The following KANSL1 variants were observed in gnomAD, a reference collection of about 807,000 sequenced individuals.
KANSL1 encodes the protein KAT8 regulatory NSL complex subunit 1, also known as MLL1/MLL complex subunit KANSL1.
In KANSL1, 22 loss-of-function variants were observed where a neutral mutation model predicts 103.6. The ratio of observed to expected loss-of-function variants is 0.21; its 90% confidence interval spans 0.15 to 0.30. KANSL1 has a LOEUF of 0.30. Ranked by LOEUF, KANSL1 falls within the 10% of genes least tolerant of loss-of-function variation. KANSL1 has a pLI of 1.00. For missense variants in KANSL1, 1,337 were observed against 1,399.8 expected, an observed-to-expected ratio of 0.96 and a Z score of 0.72; for synonymous variants, 600 against 527.6, an observed-to-expected ratio of 1.14 and a Z score of -1.88.
intron 1 of KANSL1, among the ~76,000 whole-genome samples, chr17:46,211,267 T>C (rs1368775847): frequency 7.2e-6 from 1 of 138,016 alleles, no homozygotes; most frequent in African/African-American, 2.7e-5. Context: ...GAGGACCAAA[T>C]CCTATTAGGA....
intron 4 of KANSL1, 134 bp from the exon 5 acceptor site, chr17:46,067,801 G>C (rs1223649821): frequency 8.3e-6 from 5 of 601,330 alleles, no homozygotes; most frequent in African/African-American, 7.5e-5. Context: ...TTGAATGACT[G>C]AAGAAAAAGA....
chr17:46,116,166 T>G (rs1057292921), intron 2 of KANSL1, among the ~76,000 whole-genome samples: 6 of 152,160 alleles, frequency 3.9e-5, no homozygotes, highest in African/African-American at 1.4e-4. Flanking sequence ...AAAATTAAAG[T>G]TAGTTATTTA....
chr17:46,121,712 G>A (rs1242329069), intron 2 of KANSL1, among the ~76,000 whole-genome samples: 1 of 151,500 alleles, frequency 6.6e-6, no homozygotes, highest in African/African-American at 2.4e-5. Flanking sequence ...GAGGTTTCTG[G>A]CCTTAAAAAG....
At chr17:46,214,551 G>C (rs2048280344) in intron 1 of KANSL1, among the ~76,000 whole-genome samples, 1 of 152,228 alleles carries the variant, frequency 6.6e-6, no homozygotes, top group Admixed American at 6.5e-5. Context: ...CTATTTGGGA[G>C]GCTGAGGCAG....
chr17:46,061,087 G>T (rs2078142294), intron 6 of KANSL1, among the ~76,000 whole-genome samples: 1 of 152,028 alleles, frequency 6.6e-6, no homozygotes, highest in South Asian at 2.1e-4. Flanking sequence ...TATTCTACTG[G>T]TTATTAGTAC....
chr17:46,029,955 CTTTT>C lies in KANSL1; in HGVS notation c.*1517_*1520del, dbSNP rs67801660. ...TTTTTATTTTTTTCAATTTTTCCTT[CTTTT>C]TTTTTTTTAAGCACTAGTCTGTGCT... On this transcript the variant is annotated 3_prime_UTR_variant, in exon 15 of 15. Transcript: ENST00000432791. 1 of 145,566 alleles carries C rather than the reference CTTTT, an allele frequency of 6.9e-6. No homozygotes were observed. The highest frequency in any genetic ancestry group is 2.5e-5 in the African/African-American group (1 of 39,572). 9.0% of individuals were successfully genotyped at this position (145,566 alleles called of 1,614,324 possible). A position where few individuals can be genotyped will look rare whatever the true frequency, so the allele number is the denominator to read the frequency against.
intron 2 of KANSL1, among the ~76,000 whole-genome samples, chr17:46,116,437 G>C (rs2043050913): frequency 1.3e-5 from 2 of 152,226 alleles, no homozygotes; most frequent in Non-Finnish European, 2.9e-5. Context: ...TGCTGAGGCA[G>C]GAGAATGGTG....
chr17:46,128,096 G>A (rs947705916), intron 2 of KANSL1, among the ~76,000 whole-genome samples: 11 of 151,958 alleles, frequency 7.2e-5, no homozygotes, highest in Non-Finnish European at 1.2e-4. Flanking sequence ...GGTTACAAGC[G>A]TGAACCACTG....
chr17:46,059,051 A>G (rs2078049302), intron 6 of KANSL1, among the ~76,000 whole-genome samples: 1 of 144,202 alleles, frequency 6.9e-6, no homozygotes, highest in African/African-American at 2.5e-5. Context: ...CATCTCGGAA[A>G]AAAAAAAAAA....
At chr17:46,112,842 C>G (rs1003027324) in intron 2 of KANSL1, among the ~76,000 whole-genome samples, 1 of 151,982 alleles carries the variant, frequency 6.6e-6, no homozygotes, top group East Asian at 2.0e-4. Flanking sequence ...CTGCCTTAGC[C>G]TCTCGAGTAG....
At position 46,031,699 on chromosome 17, in the gene KANSL1, A is replaced by G; in HGVS notation, c.3095T>C (p.Val1032Ala). The G allele has an allele frequency of 6.2e-7, 1 of 1,601,678 alleles. No homozygotes were observed. Among genetic ancestry groups the G allele is most frequent in the Non-Finnish European group, 8.5e-7 (1 of 1,170,576 alleles). ...GAAGGTCCGCCGCTCCCAGGGCTGG[A>G]CAGACTGTAGGCAGACAAGTTGCTC... ...TPELGLDEQS[V>A]QPWERRTFPL... Residue 1032 changes from valine to alanine, a missense_variant, in exon 15 of 15, where the codon GTC (valine) becomes GCC (alanine). Physicochemically the swap from Val to Ala is moderately conservative, Grantham distance 64. Coordinates refer to ENST00000432791, the MANE Select transcript of KANSL1 (RefSeq NM_015443.4).
At chr17:46,053,468 G>A (rs983273582) in intron 6 of KANSL1, among the ~76,000 whole-genome samples, 5 of 15,866 alleles carry the variant, frequency 3.2e-4, no homozygotes, top group Admixed American at 2.5e-3. Flanking sequence ...TTTTTTTTGA[G>A]ACAAGAGTCT....
At chr17:46,091,875 G>A (rs1246867926) in intron 3 of KANSL1, among the ~76,000 whole-genome samples, 1 of 142,940 alleles carries the variant, frequency 7.0e-6, no homozygotes, top group African/African-American at 2.5e-5. Context: ...CTGGAGTGCA[G>A]TGTCGCGATC....
chr17:46,032,132 A>T lies in KANSL1; in HGVS notation c.3005T>A (p.Leu1002His). Residue 1002 changes from leucine (L) to histidine (H), a missense_variant, in exon 14 of 15, where the codon CTC becomes CAC. By Grantham distance (99) the Leu-to-His change is moderately conservative (BLOSUM62 -3). Transcript: ENST00000432791. ...PISPELHSAP[L>H]TPVARDTPRH... Reference sequence around the variant, plus strand: ...CGGAGTGTCCCGAGCCACAGGGGTGAGGGGTGCTGAGTGCAGTTCCGGGCT... The same window carrying T: ...CGGAGTGTCCCGAGCCACAGGGGTGTGGGGTGCTGAGTGCAGTTCCGGGCT... 1 of 1,614,056 alleles carries T rather than the reference A, an allele frequency of 6.2e-7. No individual in the cohort carries two copies. The highest frequency in any genetic ancestry group is 8.5e-7 in the Non-Finnish European group (1 of 1,179,998).
rs1350211833 is a variant in KANSL1, at chr17:46,034,387, G to C, written c.2542-102C>G. On this transcript the variant is annotated intron_variant, in intron 10 of 14. Transcript: ENST00000432791. The stretch of plus-strand genomic sequence containing the variant: ...GGATCACCAATAACCAAGCATCTGG[G>C]TCCTTGGGTTGAAGCTGAGTAATGA... 3 of 1,353,960 alleles carry C rather than the reference G, an allele frequency of 2.2e-6. No individual in the cohort carries two copies. The African/African-American group carries it at 4.4e-5, about 20-fold the overall frequency. 83.9% of individuals were successfully genotyped at this position (1,353,960 alleles called of 1,614,324 possible).
At chr17:46,103,844 G>A (rs2042420193) in intron 2 of KANSL1, among the ~76,000 whole-genome samples, 3 of 152,186 alleles carry the variant, frequency 2.0e-5, no homozygotes, top group Admixed American at 2.0e-4. Flanking sequence ...TGACCAACAT[G>A]GTGAAACACT....
At chr17:46,139,132 T>C (rs1390144225) in intron 2 of KANSL1, among the ~76,000 whole-genome samples, 1 of 152,194 alleles carries the variant, frequency 6.6e-6, no homozygotes, top group African/African-American at 2.4e-5. Flanking sequence ...ATCCCCATAA[T>C]CTAAAACAAT....
chr17:46,114,802 T>A (rs2042972584), intron 2 of KANSL1, among the ~76,000 whole-genome samples: 1 of 152,236 alleles, frequency 6.6e-6, no homozygotes, highest in Admixed American at 6.5e-5. Flanking sequence ...GAAGCCTTAA[T>A]CCCATTAAGG....
rs146390235 is a variant in KANSL1, at chr17:46,116,519, G to T, written c.1290-21818C>A. Among the ~76,000 whole-genome samples, 507 of 151,796 alleles carry T rather than the reference G, an allele frequency of 3.3e-3. 3 individuals carry two copies. Among genetic ancestry groups the T allele is most frequent in the East Asian group, 0.016 (84 of 5,190 alleles). ...CACTCCAGCCTGGGCAACAGAGCGC[G>T]ACTCCGTCTCAAAAAACAAAAACCA... On this transcript the variant is annotated intron_variant, in intron 2 of 14. Coordinates refer to ENST00000432791, the MANE Select transcript of KANSL1 (RefSeq NM_015443.4).
Sources: allele counts gnomAD v4.1 joint callset (sites outside exome capture counted in the v4.1 genomes callset), GRCh38; gene constraint gnomAD v4.1.1; transcripts MANE v1.5; gene names NCBI Gene and HGNC (gene_info 2026-07-23, HGNC 2026-07-21).